GRIP1: variants seen among roughly 807,000 people sequenced by gnomAD.
GRIP1 encodes the protein glutamate receptor-interacting protein 1.
Under a neutral mutation model 129.9 loss-of-function variants are expected in GRIP1, and 45 were observed. The observed-to-expected ratio is 0.35, with a 90% confidence interval of 0.27 to 0.44. GRIP1 has a LOEUF of 0.44. Ranked by LOEUF, GRIP1 falls within the 20% of genes least tolerant of loss-of-function variation. GRIP1 has a pLI of 1.00. For missense variants in GRIP1, 1,196 were observed against 1,396.8 expected (o/e 0.86, Z 2.29); for synonymous variants, 530 against 520.8 (o/e 1.02, Z -0.24).
At chr12:66,465,811 G>A (rs530562964) in intron 7 of GRIP1, among the ~76,000 whole-genome samples, 16 of 151,598 alleles carry the variant, frequency 1.1e-4, no homozygotes, top group African/African-American at 2.7e-4. Context: ...GCACCTACCA[G>A]GAATAAATAG....
At chr12:66,437,957 G>A (rs1434458748) in intron 13 of GRIP1, among the ~76,000 whole-genome samples, 2 of 152,110 alleles carry the variant, frequency 1.3e-5, no homozygotes, top group East Asian at 3.8e-4. Context: ...ATGACCTTGG[G>A]TTTCCCCAAT....
chr12:66,556,531 A>G (rs1221344921), intron 2 of GRIP1, among the ~76,000 whole-genome samples: 2 of 152,122 alleles, frequency 1.3e-5, no homozygotes, highest in Non-Finnish European at 1.5e-5. Flanking sequence ...AAAACACAGT[A>G]TAACACTGTA....
chr12:66,588,984 A>AAATT (rs1439857701), intron 2 of GRIP1, among the ~76,000 whole-genome samples: 3 of 134,548 alleles, frequency 2.2e-5, no homozygotes, highest in African/African-American at 8.5e-5. Flanking sequence ...TACAAAAAAA[A>AAATT]AAATTAAATA....
chr12:66,745,846 G>A (rs1565999768), intron 1 of GRIP1, among the ~76,000 whole-genome samples: 2 of 152,180 alleles, frequency 1.3e-5, no homozygotes, highest in Admixed American at 1.3e-4. Flanking sequence ...AGTGATCAGA[G>A]TATAGTCTGT....
chr12:66,640,926 C>T (rs1232253367), intron 1 of GRIP1, among the ~76,000 whole-genome samples: 1 of 152,156 alleles, frequency 6.6e-6, no homozygotes, highest in African/African-American at 2.4e-5. Context: ...ACAACAAGAA[C>T]AGAACAACAA....
At chr12:66,359,695 T>C (rs758229498) in intron 23 of GRIP1, among the ~76,000 whole-genome samples, 5 of 152,214 alleles carry the variant, frequency 3.3e-5, no homozygotes, top group Non-Finnish European at 5.9e-5. Context: ...TGAATTTCAA[T>C]AGCCAGCTAT....
At chr12:67,044,294 T>C (rs1182253104) in intron 1 of GRIP1, among the ~76,000 whole-genome samples, 1 of 152,214 alleles carries the variant, frequency 6.6e-6, no homozygotes, top group African/African-American at 2.4e-5. Context: ...TCCCCTAAAT[T>C]TAATATGCGA....
Position 66,407,933 on chromosome 12 carries a change from G to A in GRIP1, c.1839-1505C>T, listed in dbSNP as rs547277290. On this transcript the variant is annotated intron_variant, in intron 15 of 24. Transcript: ENST00000359742. ...CAGCACAGCTCACAACTCCCAGAGA[G>A]AGTCCTTCACTCTAACTGAGTAGAG... 3.9e-5 allele frequency among the ~76,000 whole-genome samples: 6 copies of A among 152,286 alleles called. No homozygotes were observed. The East Asian group carries it at 1.2e-3, about 29-fold the overall frequency.
intron 1 of GRIP1, among the ~76,000 whole-genome samples, chr12:66,851,149 G>A (rs1566050891): frequency 1.3e-5 from 2 of 151,550 alleles, no homozygotes; most frequent in Admixed American, 6.6e-5. Context: ...AAGCTGAAAG[G>A]CAAGAGAAAT....
chr12:66,593,719 G>C (rs1486448377), intron 2 of GRIP1, among the ~76,000 whole-genome samples: 1 of 152,098 alleles, frequency 6.6e-6, no homozygotes, highest in Non-Finnish European at 1.5e-5. Flanking sequence ...ATCAACTTTG[G>C]ACCACTGGGA....
At position 66,517,767 on chromosome 12, in the gene GRIP1, C is replaced by T. The variant is rs1182628013; in HGVS notation, c.578+134G>A. The T allele has an allele frequency of 4.3e-6, 3 of 689,918 alleles. No individual in the cohort carries two copies. The African/African-American group carries it at 5.4e-5, about 12-fold the overall frequency. 42.7% of individuals were successfully genotyped at this position (689,918 alleles called of 1,614,324 possible). A position where few individuals can be genotyped will look rare whatever the true frequency, so the allele number is the denominator to read the frequency against. The stretch of plus-strand genomic sequence containing the variant: ...TTTCTGATTCCATAGTTCAGACTCT[C>T]AATTTTCACATTGTAACATGTTTGC... On this transcript the variant is annotated intron_variant, in intron 6 of 24. Transcript: ENST00000359742.
Position 66,712,594 on chromosome 12 carries a change from G to A in GRIP1, c.-419-82258C>T, listed in dbSNP as rs1473627930. On this transcript the variant is annotated intron_variant, in intron 1 of 4. Transcript: ENST00000538373. ...TAAATGAAGTCAAACATAAGCAAAC[G>A]GAGAATATGCAGATGAAATGCAGTG... Among the ~76,000 whole-genome samples, 4 of 152,022 alleles carry A rather than the reference G, an allele frequency of 2.6e-5. No homozygotes were observed. The East Asian group carries it at 5.8e-4, about 22-fold the overall frequency.
intron 1 of GRIP1, among the ~76,000 whole-genome samples, chr12:67,007,965 A>T (rs1274074304): frequency 6.6e-6 from 1 of 152,230 alleles, no homozygotes. Flanking sequence ...TATTCAGCTG[A>T]GGAAAATGAA....
chr12:66,839,436 G>A (rs540796581), intron 1 of GRIP1, among the ~76,000 whole-genome samples: 1 of 152,196 alleles, frequency 6.6e-6, no homozygotes, highest in South Asian at 2.1e-4. Context: ...CAAGTTAATT[G>A]CATGCAGTAT....
chr12:67,032,021 T>C (rs1206373746), intron 1 of GRIP1, among the ~76,000 whole-genome samples: 1 of 152,182 alleles, frequency 6.6e-6, no homozygotes, highest in Non-Finnish European at 1.5e-5. Flanking sequence ...ACTGCTGTCC[T>C]GTCCATGGTT....
intron 1 of GRIP1, among the ~76,000 whole-genome samples, chr12:67,056,897 G>A (rs966501501): frequency 3.3e-5 from 5 of 152,040 alleles, no homozygotes; most frequent in African/African-American, 4.8e-5. Flanking sequence ...TGCAACCTCC[G>A]CCTCCCGGGT....
intron 1 of GRIP1, among the ~76,000 whole-genome samples, chr12:66,597,507 C>G (rs2064100046): frequency 6.6e-6 from 1 of 152,010 alleles, no homozygotes; most frequent in East Asian, 1.9e-4. Flanking sequence ...AGAGGGAAGA[C>G]CAGAGGAGCT....
chr12:66,682,900 A>C (rs2034639980), upstream of GRIP1, among the ~76,000 whole-genome samples: 1 of 152,130 alleles, frequency 6.6e-6, no homozygotes, highest in Non-Finnish European at 1.5e-5. Flanking sequence ...AATATACCTG[A>C]TAGATCCCAT....
chr12:66,919,245 T>C (rs1160203795), intron 1 of GRIP1, among the ~76,000 whole-genome samples: 1 of 152,208 alleles, frequency 6.6e-6, no homozygotes, highest in Non-Finnish European at 1.5e-5. Context: ...GGACCTGTCC[T>C]TCTTTAGGGT....
Sources: allele counts gnomAD v4.1 joint callset (sites outside exome capture counted in the v4.1 genomes callset), GRCh38; gene constraint gnomAD v4.1.1; transcripts MANE v1.5; gene names NCBI Gene and HGNC (gene_info 2026-07-23, HGNC 2026-07-21).